ANKRD11: variants seen among roughly 807,000 people sequenced by gnomAD.
The protein encoded by ANKRD11 is ankyrin repeat domain-containing protein 11.
A neutral mutation model predicts 195.7 loss-of-function variants in ANKRD11; 17 were observed. That is an observed-to-expected ratio of 0.09 (90% CI 0.06 to 0.13). ANKRD11 has a LOEUF of 0.13. Among genes scored for constraint, ANKRD11 ranks in the 10% least tolerant of loss-of-function variants. ANKRD11 has a pLI of 1.00. For missense variants in ANKRD11, 3,735 were observed against 3,566.1 expected (o/e 1.05, Z -1.21); for synonymous variants, 1,953 against 1,528.1 (o/e 1.28, Z -6.49).
intron 2 of ANKRD11, among the ~76,000 whole-genome samples, chr16:89,416,791 A>G (rs1487435963): frequency 2.0e-5 from 3 of 151,968 alleles, no homozygotes; most frequent in Non-Finnish European, 4.4e-5. Flanking sequence ...AATTAAAAAA[A>G]GAAAATGCAG....
chr16:89,344,015 T>C (rs544069633), intron 2 of ANKRD11, among the ~76,000 whole-genome samples: 1 of 152,072 alleles, frequency 6.6e-6, no homozygotes, highest in African/African-American at 2.4e-5. Flanking sequence ...TAAATATCGG[T>C]GCAGGCGGCC....
intron 1 of ANKRD11, among the ~76,000 whole-genome samples, chr16:89,464,663 G>C (rs1448551535): frequency 6.6e-6 from 1 of 151,296 alleles, no homozygotes; most frequent in East Asian, 1.9e-4. Context: ...GAATAAATCT[G>C]TAACAGCACT....
chr16:89,469,703 C>T (rs1001230578), intron 1 of ANKRD11, among the ~76,000 whole-genome samples: 6 of 150,064 alleles, frequency 4.0e-5, no homozygotes, highest in Non-Finnish European at 8.9e-5. Context: ...TGGAGACCAT[C>T]CTGGCTAACA....
intron 2 of ANKRD11, among the ~76,000 whole-genome samples, chr16:89,406,020 G>C (rs1029253087): frequency 4.8e-5 from 7 of 146,328 alleles, no homozygotes; most frequent in Admixed American, 2.9e-4. Flanking sequence ...TGAGGTGGGA[G>C]AATCACCTGA....
At chr16:89,278,567 C>T (rs1457001661) in intron 9 of ANKRD11, 1 of 457,234 alleles carries the variant, frequency 2.2e-6, no homozygotes, top group African/African-American at 2.0e-5. Context: ...GGCCGAGGAC[C>T]AAGCTGCCCC....
At chr16:89,375,465 T>A (rs1597831346) in intron 2 of ANKRD11, among the ~76,000 whole-genome samples, 1 of 218 alleles carries the variant, frequency 4.6e-3, no homozygotes, top group African/African-American at 0.25. Flanking sequence ...ACTCTATCTC[T>A]TTTTTTTTTT....
chr16:89,284,107 G>T lies in ANKRD11; in HGVS notation c.2435C>A (p.Ser812Tyr). 1.2e-6 allele frequency: 2 copies of T among 1,613,810 alleles called. No homozygotes were observed. Among genetic ancestry groups the T allele is most frequent in the Non-Finnish European group, 1.7e-6 (2 of 1,179,834 alleles). Reference sequence around the variant, plus strand: ...TTTGTTACAATATTCGTCAAAAGCAGAATCTTCCCTATAAACCTTTTCTTT... The same window carrying T: ...TTTGTTACAATATTCGTCAAAAGCATAATCTTCCCTATAAACCTTTTCTTT... The part of the protein sequence containing the change: ...LKKEKVYRED[S>Y]AFDEYCNKNQ... Residue 812 changes from serine to tyrosine, a missense_variant, in exon 9 of 13, where the codon TCT (serine) becomes TAT (tyrosine). Transcript: ENST00000301030.
At chr16:89,441,519 G>A (rs1282765604) in intron 1 of ANKRD11, among the ~76,000 whole-genome samples, 11 of 152,012 alleles carry the variant, frequency 7.2e-5, no homozygotes, top group African/African-American at 4.8e-5. Context: ...TGTAATCCCA[G>A]CACTTTGGGA....
In ANKRD11 at chr16:89,418,278, A is replaced by G. The variant is rs2042381193; in HGVS notation, c.-60+6T>C. The G allele has an allele frequency of 2.2e-6, 1 of 453,924 alleles. No homozygotes were observed. The highest frequency in any genetic ancestry group is 2.0e-5 in the African/African-American group (1 of 50,016). 28.1% of individuals were successfully genotyped at this position (453,924 alleles called of 1,614,324 possible). Reference sequence around the variant, plus strand: ...TAAATTGATAGAGAATGCAGTGAGTATTTACCGATTCCATAGCTGAAAGTC... The same window carrying G: ...TAAATTGATAGAGAATGCAGTGAGTGTTTACCGATTCCATAGCTGAAAGTC... On this transcript the variant is annotated splice_donor_region_variant and intron_variant, in intron 2 of 12. Transcript: ENST00000301030.
intron 3 of ANKRD11, among the ~76,000 whole-genome samples, chr16:89,305,684 ACGCGCC>A (rs2036158474): frequency 2.5e-5 from 1 of 39,870 alleles, no homozygotes; most frequent in Non-Finnish European, 5.9e-5. Context: ...CTCCGCAGAC[ACGCGCC>A]ACCTCCCACT....
At chr16:89,306,145 G>A (rs2036213747) in intron 3 of ANKRD11, among the ~76,000 whole-genome samples, 1 of 63,376 alleles carries the variant, frequency 1.6e-5, no homozygotes, top group Non-Finnish European at 3.0e-5. Flanking sequence ...CTCCCACTCC[G>A]CAGACACGCA....
At chr16:89,462,067 T>G (rs893327499) in intron 1 of ANKRD11, among the ~76,000 whole-genome samples, 1 of 42,628 alleles carries the variant, frequency 2.3e-5, no homozygotes, top group Non-Finnish European at 5.5e-5. Flanking sequence ...TCTCCCTCTC[T>G]CCCTCTCCCT....
intron 2 of ANKRD11, among the ~76,000 whole-genome samples, chr16:89,358,302 T>C (rs1274391146): frequency 6.6e-6 from 1 of 152,232 alleles, no homozygotes; most frequent in African/African-American, 2.4e-5. Flanking sequence ...TTCCCTTCTG[T>C]TGGCCACATC....
At chr16:89,415,829 C>CCAAAAAA (rs1555571476) in intron 2 of ANKRD11, among the ~76,000 whole-genome samples, 2 of 39,744 alleles carry the variant, frequency 5.0e-5, no homozygotes, top group Non-Finnish European at 9.4e-5. Context: ...GACTCTGTCT[C>CCAAAAAA]AAAAAAAAAA....
At chr16:89,354,826 G>C (rs1181994101) in intron 2 of ANKRD11, among the ~76,000 whole-genome samples, 2 of 152,116 alleles carry the variant, frequency 1.3e-5, no homozygotes, top group Non-Finnish European at 2.9e-5. Flanking sequence ...GGCGGAGGTT[G>C]CAGTGAGCCG....
At position 89,280,252 on chromosome 16, in the gene ANKRD11, G is replaced by A; in HGVS notation, c.6290C>T (p.Pro2097Leu). 1.1e-5 allele frequency: 17 copies of A among 1,608,626 alleles called. No homozygotes were observed. Among genetic ancestry groups the A allele is most frequent in the Non-Finnish European group, 1.4e-5 (17 of 1,179,478 alleles). ...GCCGTCCAGGAAGCTATTTTCCAGG[G>A]GCCCCAGAGCCTCCACCTGAGCCAC... ...AAVAQVEALGPLENSFLDGSR... is the reference protein window; with the variant it reads ...AAVAQVEALGLLENSFLDGSR... The change falls in exon 9 of 13, where the codon CCC becomes CTC. Residue 2097 changes from proline to leucine, a missense_variant. Physicochemically the swap from Pro to Leu is moderately conservative, Grantham distance 98. Coordinates refer to ENST00000301030, the MANE Select transcript of ANKRD11 (RefSeq NM_013275.6).
intron 2 of ANKRD11, chr16:89,360,411 C>G (rs1172376340): frequency 2.0e-5 from 3 of 152,156 alleles, no homozygotes; most frequent in Non-Finnish European, 2.9e-5. Context: ...ATCTTCATCA[C>G]TTGATAAACA....
At chr16:89,475,516 A>G (rs2057227806) in intron 1 of ANKRD11, among the ~76,000 whole-genome samples, 1 of 152,230 alleles carries the variant, frequency 6.6e-6, no homozygotes, top group Admixed American at 6.5e-5. Flanking sequence ...GAATTTTGAT[A>G]AAGAACTAGG....
chr16:89,348,099 T>C (rs1461837684), intron 2 of ANKRD11, among the ~76,000 whole-genome samples: 1 of 152,000 alleles, frequency 6.6e-6, no homozygotes, highest in African/African-American at 2.4e-5. Context: ...GCCCAGCTCA[T>C]TTTTGTATTT....
Sources: allele counts gnomAD v4.1 joint callset (sites outside exome capture counted in the v4.1 genomes callset), GRCh38; gene constraint gnomAD v4.1.1; transcripts MANE v1.5; gene names NCBI Gene and HGNC (gene_info 2026-07-23, HGNC 2026-07-21).